The following OXR1 variants were observed in gnomAD, a reference collection of about 807,000 sequenced individuals.
OXR1 encodes oxidation resistance 1.
OXR1 carries 41 observed loss-of-function variants against 104.6 expected under a neutral mutation model. The observed-to-expected ratio is 0.39, with a 90% CI of 0.31 to 0.51. OXR1 has a LOEUF of 0.51. Ranked by LOEUF, OXR1 falls within the 20% of genes least tolerant of loss-of-function variation. The pLI is 0.77. For synonymous variants in OXR1, 348 were observed against 348.4 expected, an observed-to-expected ratio of 1.00 and a Z score of 0.01; for missense variants, 955 against 1,031.9, an observed-to-expected ratio of 0.93 and a Z score of 1.02.
chr8:106,405,839 G>T (rs1818217035), intron 2 of OXR1, among the ~76,000 whole-genome samples: 2 of 152,188 alleles, frequency 1.3e-5, no homozygotes, highest in South Asian at 4.2e-4. Context: ...TTTATCCACA[G>T]AATAATAAGC....
intron 1 of OXR1, among the ~76,000 whole-genome samples, chr8:106,310,230 C>CT (rs10573304): frequency 0.3 from 42,495 of 142,146 alleles, 6,613 homozygotes; most frequent in East Asian, 0.6. Flanking sequence ...TTCCTGTGAC[C>CT]TTTTTTTTTT....
At chr8:106,668,869 G>A (rs922922394) in intron 3 of OXR1, among the ~76,000 whole-genome samples, 39 of 152,144 alleles carry the variant, frequency 2.6e-4, no homozygotes, top group Admixed American at 2.1e-3. Flanking sequence ...AGCTCTATTT[G>A]TATGTCTCTC....
At chr8:106,372,091 G>T (rs1816730791) in intron 2 of OXR1, among the ~76,000 whole-genome samples, 1 of 152,236 alleles carries the variant, frequency 6.6e-6, no homozygotes, top group Admixed American at 6.5e-5. Context: ...GCAGATTCCA[G>T]CTGAGAGGCT....
intron 2 of OXR1, among the ~76,000 whole-genome samples, chr8:106,496,841 A>G (rs1811446551): frequency 6.6e-6 from 1 of 152,212 alleles, no homozygotes. Context: ...AATCACAGCC[A>G]TGAAGGATCA....
intron 2 of OXR1, among the ~76,000 whole-genome samples, chr8:106,452,995 C>T (rs1339724064): frequency 6.6e-6 from 1 of 152,016 alleles, no homozygotes; most frequent in Non-Finnish European, 1.5e-5. Flanking sequence ...GAAAATTGCC[C>T]CAAATGTGCT....
intron 3 of OXR1, among the ~76,000 whole-genome samples, chr8:106,636,940 T>C (rs1823192509): frequency 1.3e-5 from 2 of 152,190 alleles, no homozygotes; most frequent in Non-Finnish European, 2.9e-5. Context: ...TTCTTTATTC[T>C]TCTAGTCACC....
chr8:106,592,915 C>T (rs991233725), intron 3 of OXR1, among the ~76,000 whole-genome samples: 49 of 152,084 alleles, frequency 3.2e-4, no homozygotes, highest in African/African-American at 9.2e-4. Flanking sequence ...ATTGCATAAA[C>T]GCTAGCAATA....
At chr8:106,375,943 G>A (rs1018505520) in intron 2 of OXR1, among the ~76,000 whole-genome samples, 1 of 152,124 alleles carries the variant, frequency 6.6e-6, no homozygotes, top group Non-Finnish European at 1.5e-5. Context: ...TCGAACTCCT[G>A]GGCTCAAGCC....
intron 2 of OXR1, among the ~76,000 whole-genome samples, chr8:106,425,669 T>C (rs530637907): frequency 6.6e-6 from 1 of 152,300 alleles, no homozygotes; most frequent in South Asian, 2.1e-4. Flanking sequence ...TTTTTTTATC[T>C]TGGAATTCTT....
chr8:106,707,543 T>C, intron 9 of OXR1: 1 of 307,314 alleles, frequency 3.3e-6, no homozygotes, highest in South Asian at 8.2e-5. Flanking sequence ...GCCAAAGTTG[T>C]AATCCCATCT....
intron 2 of OXR1, among the ~76,000 whole-genome samples, chr8:106,457,822 A>T (rs955227580): frequency 6.6e-6 from 1 of 152,206 alleles, no homozygotes; most frequent in Non-Finnish European, 1.5e-5. Flanking sequence ...AAGTTGGCTG[A>T]ATTGTGTCCG....
At chr8:106,334,452 C>T (rs187992205) in intron 1 of OXR1, among the ~76,000 whole-genome samples, 44 of 152,308 alleles carry the variant, frequency 2.9e-4, no homozygotes, top group South Asian at 1.0e-3. Flanking sequence ...CTTCCTCTGA[C>T]TAGAGCCTCC....
At chr8:106,460,148 G>A (rs1041412691) in intron 2 of OXR1, among the ~76,000 whole-genome samples, 9 of 152,144 alleles carry the variant, frequency 5.9e-5, no homozygotes, top group African/African-American at 1.9e-4. Context: ...TGCTACTCAC[G>A]TTAAATTTAC....
At chr8:106,596,702 A>G (rs145960220) in intron 3 of OXR1, among the ~76,000 whole-genome samples, 1 of 152,178 alleles carries the variant, frequency 6.6e-6, no homozygotes, top group East Asian at 1.9e-4. Context: ...TTCCCACTCC[A>G]TAGAGTCAAT....
intron 2 of OXR1, among the ~76,000 whole-genome samples, chr8:106,401,440 G>A (rs1421061587): frequency 6.6e-6 from 1 of 152,146 alleles, no homozygotes; most frequent in Non-Finnish European, 1.5e-5. Context: ...CCAGGGCTCT[G>A]AATTTTTAAG....
chr8:106,319,125 G>A (rs1245535307), intron 1 of OXR1, among the ~76,000 whole-genome samples: 1 of 152,150 alleles, frequency 6.6e-6, no homozygotes, highest in Non-Finnish European at 1.5e-5. Flanking sequence ...GCTAAATATA[G>A]CATACCATTT....
chr8:106,739,330 A>G (rs1834708554), intron 12 of OXR1, 128 bp from the exon 13 acceptor site: 2 of 785,462 alleles, frequency 2.5e-6, no homozygotes, highest in East Asian at 2.6e-5. Context: ...TTTGCCCTAT[A>G]AAATCTTAAG....
chr8:106,697,759 A>G (rs1587137794), intron 7 of OXR1: 21 of 1,613,238 alleles, frequency 1.3e-5, no homozygotes, highest in East Asian at 8.9e-5. Context: ...CTTGAAGGCC[A>G]TGGTGGAGGC....
intron 9 of OXR1, 59 bp downstream of exon 9, chr8:106,707,204 C>G: frequency 6.6e-7 from 1 of 1,520,938 alleles, no homozygotes; most frequent in African/African-American, 1.4e-5. Flanking sequence ...CTCCGTCTTT[C>G]CTCACTGACT....
Sources: allele counts gnomAD v4.1 joint callset (sites outside exome capture counted in the v4.1 genomes callset), GRCh38; gene constraint gnomAD v4.1.1; transcripts MANE v1.5; gene names NCBI Gene and HGNC (gene_info 2026-07-23, HGNC 2026-07-21).